The following SLC17A1 variants were observed in gnomAD, a reference collection of about 807,000 sequenced individuals.
SLC17A1 encodes sodium-dependent phosphate transport protein 1.
In SLC17A1, 51 loss-of-function variants were observed where a neutral mutation model predicts 53.5. The ratio of observed to expected loss-of-function variants is 0.95; its 90% CI spans 0.76 to 1.20. The LOEUF (loss-of-function observed/expected upper bound fraction) is 1.20. SLC17A1 is among the 50% of genes most tolerant of loss of function. SLC17A1 has a pLI of 0.00. For synonymous variants in SLC17A1, 179 were observed against 198.8 expected (o/e 0.90, Z 0.84); for missense variants, 538 against 568.2 (o/e 0.95, Z 0.54).
rs764677322 is a variant in SLC17A1, at chr6:25,798,862, C to T, written c.1327G>A (p.Gly443Ser). The change falls in exon 12 of 13, where the codon GGC becomes AGC. Residue 443 changes from glycine to serine, a missense_variant. Gly to Ser is a moderately conservative substitution (Grantham distance 56). Transcript: ENST00000244527. ...FILMAAINVT[G>S]LIFYLIVATA... ...GCAACTATAAGGTAGAAAATTAGGC[C>T]AGTCACATTAATGGCTGCCATCAGG... 1.9e-6 allele frequency: 3 copies of T among 1,609,170 alleles called. No individual in the cohort carries two copies. Among genetic ancestry groups the T allele is most frequent in the African/African-American group, 2.7e-5 (2 of 74,848 alleles).
At chr6:25,767,768 G>A in the SLC17A1 span, among the ~76,000 whole-genome samples, 26 of 152,186 alleles carry the variant, frequency 1.7e-4, 2 homozygotes, top group Admixed American at 1.5e-3. Flanking sequence ...AAATGCTGGT[G>A]AATTAAATTA....
intron 12 of SLC17A1, among the ~76,000 whole-genome samples, chr6:25,792,167 C>T (rs1253651933): frequency 6.6e-6 from 1 of 152,190 alleles, no homozygotes; most frequent in Non-Finnish European, 1.5e-5. Context: ...TTCCAGCATT[C>T]ACCTGAACCA....
At chr6:25,808,309 A>AC (rs1554130120) in intron 10 of SLC17A1, among the ~76,000 whole-genome samples, 2 of 151,898 alleles carry the variant, frequency 1.3e-5, no homozygotes, top group Non-Finnish European at 2.9e-5. Flanking sequence ...ACAAAGGCAT[A>AC]CAGAGTGATA....
the SLC17A1 span, among the ~76,000 whole-genome samples, chr6:25,725,239 G>C: frequency 1.3e-5 from 2 of 151,952 alleles, no homozygotes; most frequent in Non-Finnish European, 2.9e-5. Context: ...AATTATGTTC[G>C]GCCTTCTAGT....
chr6:25,768,590 A>G, the SLC17A1 span, among the ~76,000 whole-genome samples: 2 of 152,144 alleles, frequency 1.3e-5, no homozygotes, highest in Non-Finnish European at 2.9e-5. Flanking sequence ...CAGCTGCCCA[A>G]GCAGGGAACT....
the SLC17A1 span, among the ~76,000 whole-genome samples, chr6:25,724,626 C>G: frequency 2.0e-5 from 3 of 152,180 alleles, no homozygotes; most frequent in Admixed American, 2.0e-4. Flanking sequence ...TACACAGGTT[C>G]TCTTCTATAA....
the SLC17A1 span, among the ~76,000 whole-genome samples, chr6:25,730,629 A>G: frequency 0.032 from 4,948 of 152,314 alleles, 219 homozygotes; most frequent in African/African-American, 0.094. Flanking sequence ...TGCAAAGAGT[A>G]GAGTTTAAGT....
the SLC17A1 span, chr6:25,727,121 C>CT: frequency 1.2e-6 from 2 of 1,614,228 alleles, no homozygotes; most frequent in Non-Finnish European, 1.7e-6. Flanking sequence ...TCACTGATAT[C>CT]TTTGAGCGTA....
intron 2 of SLC17A1, among the ~76,000 whole-genome samples, chr6:25,827,992 T>C (rs1170763634): frequency 6.6e-6 from 1 of 152,132 alleles, no homozygotes; most frequent in African/African-American, 2.4e-5. Context: ...AATCTCATCA[T>C]CTAAATCAGG....
the SLC17A1 span, among the ~76,000 whole-genome samples, chr6:25,746,655 G>T: frequency 6.6e-6 from 1 of 152,150 alleles, no homozygotes; most frequent in Non-Finnish European, 1.5e-5. Context: ...AAGTTATTAA[G>T]CATAGAATTT....
At chr6:25,790,578 GT>G (rs918012107) in intron 12 of SLC17A1, among the ~76,000 whole-genome samples, 1 of 151,996 alleles carries the variant, frequency 6.6e-6, no homozygotes, top group African/African-American at 2.4e-5. Flanking sequence ...AATATTAAAA[GT>G]ATATTTTATT....
the SLC17A1 span, among the ~76,000 whole-genome samples, chr6:25,750,633 CAGAGAG>C: frequency 2.1e-5 from 3 of 145,670 alleles, no homozygotes; most frequent in African/African-American, 2.6e-5. Flanking sequence ...TAACCCATGT[CAGAGAG>C]AGAGAGAGAG....
chr6:25,794,799 G>A (rs1763571694), intron 12 of SLC17A1, among the ~76,000 whole-genome samples: 1 of 152,148 alleles, frequency 6.6e-6, no homozygotes, highest in Non-Finnish European at 1.5e-5. Flanking sequence ...GGAAACAATG[G>A]ACTTTTGCAA....
At chr6:25,727,654 T>A in the SLC17A1 span, among the ~76,000 whole-genome samples, 3 of 151,996 alleles carry the variant, frequency 2.0e-5, no homozygotes, top group Non-Finnish European at 4.4e-5. Flanking sequence ...CCCAAAGTGC[T>A]GGGACTACAG....
chr6:25,830,745 A>AAACAGG, intron 1 of SLC17A1, 138 bp from the exon 2 acceptor site: 1 of 499,690 alleles, frequency 2.0e-6, no homozygotes, highest in Non-Finnish European at 3.6e-6. Context: ...CACCTCCATT[A>AAACAGG]TGTGCTTCCC....
chr6:25,808,859 C>T (rs1165199), intron 10 of SLC17A1, among the ~76,000 whole-genome samples: 100,931 of 151,900 alleles, frequency 0.66, 35,317 homozygotes, highest in African/African-American at 0.88. Context: ...CTCAAAGAAC[C>T]ACAAATAGAA....
At chr6:25,739,934 A>G in the SLC17A1 span, among the ~76,000 whole-genome samples, 1 of 152,184 alleles carries the variant, frequency 6.6e-6, no homozygotes, top group Non-Finnish European at 1.5e-5. Flanking sequence ...CACACATTGT[A>G]CCAATGTCAC....
chr6:25,829,760 T>A (rs1342147596), intron 2 of SLC17A1, among the ~76,000 whole-genome samples: 2 of 152,008 alleles, frequency 1.3e-5, no homozygotes, highest in Non-Finnish European at 2.9e-5. Context: ...TCTGTAAATA[T>A]ATTTATCAAA....
chr6:25,732,083 G>A, the SLC17A1 span: 3 of 1,088,342 alleles, frequency 2.8e-6, no homozygotes, highest in African/African-American at 4.9e-5. Flanking sequence ...TGCGCTTTTT[G>A]TCCTCCTTCG....
Sources: gnomAD v4.1 joint callset for allele counts (sites outside exome capture counted in the v4.1 genomes callset) on GRCh38, gnomAD v4.1.1 for gene constraint, MANE v1.5 for transcripts, NCBI Gene and HGNC (gene_info 2026-07-23, HGNC 2026-07-21) for gene names.